RFX4: variants seen among roughly 807,000 people sequenced by gnomAD.
RFX4 encodes the protein transcription factor RFX4.
A neutral mutation model predicts 95.0 loss-of-function variants in RFX4; 10 were observed. The ratio of observed to expected loss-of-function variants is 0.11; its 90% confidence interval spans 0.06 to 0.18. RFX4 has a LOEUF of 0.18. Among genes scored for constraint, RFX4 ranks in the 10% least tolerant of loss-of-function variants. The pLI, the probability that RFX4 is intolerant of heterozygous loss-of-function variation, is 1.00. For missense variants in RFX4, 640 were observed against 922.0 expected (o/e 0.69, Z 3.96); for synonymous variants, 321 against 340.7 (o/e 0.94, Z 0.64).
intron 1 of RFX4, among the ~76,000 whole-genome samples, chr12:106,597,721 G>A (rs1233298894): frequency 1.3e-5 from 2 of 152,112 alleles, no homozygotes; most frequent in Non-Finnish European, 2.9e-5. Context: ...ATGGCCAGGT[G>A]TGGTGGCTGA....
intron 3 of RFX4, among the ~76,000 whole-genome samples, chr12:106,649,230 C>A (rs1056510675): frequency 1.3e-5 from 2 of 152,136 alleles, no homozygotes; most frequent in Non-Finnish European, 2.9e-5. Context: ...TTTCTTTCTG[C>A]CATGCTTTGG....
chr12:106,614,197 G>A (rs1452385785), intron 2 of RFX4, among the ~76,000 whole-genome samples: 1 of 150,774 alleles, frequency 6.6e-6, no homozygotes, highest in African/African-American at 2.4e-5. Flanking sequence ...GTCTCACTCT[G>A]TCACCCAAGC....
chr12:106,652,016 A>G (rs1188012819), intron 3 of RFX4, among the ~76,000 whole-genome samples: 7 of 152,160 alleles, frequency 4.6e-5, no homozygotes, highest in African/African-American at 1.7e-4. Context: ...AATGCCGCGA[A>G]TGGCAGTTAG....
At chr12:106,656,724 C>A (rs987890659) in intron 4 of RFX4, among the ~76,000 whole-genome samples, 3 of 152,032 alleles carry the variant, frequency 2.0e-5, no homozygotes, top group Non-Finnish European at 4.4e-5. Context: ...CTTGAGACAC[C>A]CCCCACCAAA....
At chr12:106,601,644 C>T (rs1285663198) in intron 1 of RFX4, among the ~76,000 whole-genome samples, 1 of 152,236 alleles carries the variant, frequency 6.6e-6, no homozygotes, top group Admixed American at 6.5e-5. Context: ...AGGAACAAAA[C>T]TCAGCGTGTT....
At chr12:106,707,318 G>A (rs1385667366) in intron 8 of RFX4, among the ~76,000 whole-genome samples, 1 of 152,144 alleles carries the variant, frequency 6.6e-6, no homozygotes, top group East Asian at 1.9e-4. Flanking sequence ...CAAAAGTTAA[G>A]TGCAGACAGT....
chr12:106,625,973 T>A (rs556869128), intron 2 of RFX4, among the ~76,000 whole-genome samples: 1 of 152,334 alleles, frequency 6.6e-6, no homozygotes, highest in South Asian at 2.1e-4. Flanking sequence ...TTTGACTACA[T>A]AAACTGTCTT....
At chr12:106,703,397 C>A (rs1437654431) in intron 8 of RFX4, among the ~76,000 whole-genome samples, 1 of 152,188 alleles carries the variant, frequency 6.6e-6, no homozygotes, top group Non-Finnish European at 1.5e-5. Context: ...TCCTTTTCTG[C>A]ATTATTCAAA....
At chr12:106,652,745 G>T (rs536506086) in intron 3 of RFX4, among the ~76,000 whole-genome samples, 1 of 152,308 alleles carries the variant, frequency 6.6e-6, no homozygotes, top group African/African-American at 2.4e-5. Context: ...TGATGTTCTT[G>T]CAATCACATG....
In RFX4 at chr12:106,614,477, CTGTGTGTGTGTG is replaced by C. The variant is rs34226201; in HGVS notation, c.130+5626_130+5637del. ...CCCGGCCCTTCTTCACGTCTTTTGCCTGTGTGTGTGTGTGTGTGTGTGTGTGTGTGTGTGTGT... is the reference window on the plus strand; with the variant it reads ...CCCGGCCCTTCTTCACGTCTTTTGCCTGTGTGTGTGTGTGTGTGTGTGTGT... On this transcript the variant is annotated intron_variant, in intron 2 of 17. Coordinates refer to ENST00000392842, the MANE Select transcript of RFX4 (RefSeq NM_213594.3). Among the ~76,000 whole-genome samples the C allele has an allele frequency of 1.6e-3, 210 of 127,856 alleles. 3 individuals are homozygous for C. Among genetic ancestry groups the C allele is most frequent in the African/African-American group, 5.5e-3 (187 of 34,016 alleles). 83.9% of individuals were successfully genotyped at this position (127,856 alleles called of 152,430 possible).
intron 2 of RFX4, among the ~76,000 whole-genome samples, chr12:106,619,171 C>T (rs965382691): frequency 5.3e-5 from 8 of 151,656 alleles, no homozygotes; most frequent in East Asian, 1.9e-4. Flanking sequence ...ACAAATTTAC[C>T]CTTTCCAGGG....
chr12:106,711,583 A>C (rs548745907), intron 10 of RFX4, 72 bp downstream of exon 10: 6 of 1,269,438 alleles, frequency 4.7e-6, no homozygotes, highest in African/African-American at 2.9e-5. Flanking sequence ...CCACAAAAAC[A>C]ACCTCCTGCA....
intron 5 of RFX4, chr12:106,682,827 G>A (rs1270533842): frequency 1.3e-5 from 2 of 152,196 alleles, no homozygotes; most frequent in Non-Finnish European, 2.9e-5. Flanking sequence ...ATCTCTTCCT[G>A]TACTGCTCGA....
At chr12:106,667,476 G>T (rs990924540) in intron 4 of RFX4, among the ~76,000 whole-genome samples, 5 of 152,180 alleles carry the variant, frequency 3.3e-5, no homozygotes, top group African/African-American at 1.2e-4. Flanking sequence ...TGGGAACCTG[G>T]TCAAGCTCCT....
At position 106,623,132 on chromosome 12, in the gene RFX4, G is replaced by A. The variant is rs576858212; in HGVS notation, c.130+14249G>A. ...CGGCTCACTGCAAGCTCCGCCTCCC[G>A]GGTTCACACCATTCTCCTGCCTCAG... On this transcript the variant is annotated intron_variant, in intron 2 of 17. Transcript: ENST00000392842. 1.3e-4 allele frequency among the ~76,000 whole-genome samples: 19 copies of A among 147,860 alleles called. 1 individual carries two copies. Among genetic ancestry groups the A allele is most frequent in the African/African-American group, 3.0e-4 (12 of 39,984 alleles).
At chr12:106,608,573 T>G (rs2039886580) in intron 1 of RFX4, among the ~76,000 whole-genome samples, 1 of 152,200 alleles carries the variant, frequency 6.6e-6, no homozygotes, top group African/African-American at 2.4e-5. Context: ...CAAAGAGCCA[T>G]TTTGCATCCA....
chr12:106,611,002 A>T (rs895303206), intron 2 of RFX4, among the ~76,000 whole-genome samples: 2 of 152,096 alleles, frequency 1.3e-5, no homozygotes, highest in African/African-American at 4.8e-5. Context: ...TTTTTTTAAT[A>T]ATAGCCATTC....
rs759770435 is a variant in RFX4, at chr12:106,733,043, G to C, written c.1591G>C (p.Val531Leu). 20 of 1,614,052 alleles carry C rather than the reference G, an allele frequency of 1.2e-5. No homozygotes were observed. Among genetic ancestry groups the C allele is most frequent in the Non-Finnish European group, 1.7e-5 (20 of 1,180,024 alleles). Reference sequence around the variant, plus strand: ...GGAAGTGCCACCTCCCTCTTCCCCTGTTAGCAATCCTTCCCCTGAGTACAC... The same window carrying C: ...GGAAGTGCCACCTCCCTCTTCCCCTCTTAGCAATCCTTCCCCTGAGTACAC... The part of the protein sequence containing the change: ...SVEVPPPSSP[V>L]SNPSPEYTGL... Residue 531 changes from valine to leucine, a missense_variant, in exon 15 of 18, where the codon GTT (valine) becomes CTT (leucine). By Grantham distance (32) the Val-to-Leu change is conservative. Transcript: ENST00000392842.
chr12:106,711,662 T>C, intron 10 of RFX4, 151 bp downstream of exon 10: 3 of 657,588 alleles, frequency 4.6e-6, no homozygotes, highest in East Asian at 2.7e-5. Flanking sequence ...AATGAAAACA[T>C]TAGCCAATAA....
Sources: allele counts gnomAD v4.1 joint callset (sites outside exome capture counted in the v4.1 genomes callset), GRCh38; gene constraint gnomAD v4.1.1; transcripts MANE v1.5; gene names NCBI Gene and HGNC (gene_info 2026-07-23, HGNC 2026-07-21).